The following CNEP1R1 variants were observed in gnomAD, a reference collection of about 807,000 sequenced individuals.
The protein encoded by CNEP1R1 is nuclear envelope phosphatase-regulatory subunit 1.
In CNEP1R1, 10 loss-of-function variants were observed where a neutral mutation model predicts 22.7. The ratio of observed to expected loss-of-function variants is 0.44; its 90% CI spans 0.27 to 0.75. The LOEUF (loss-of-function observed/expected upper bound fraction) is 0.75, where lower values mean the gene tolerates loss of function less well. CNEP1R1 is among the 30% of genes least tolerant of loss of function. The pLI, the probability that CNEP1R1 is intolerant of heterozygous loss-of-function variation, is 0.17. For missense variants in CNEP1R1, 73 were observed against 151.5 expected, an observed-to-expected ratio of 0.48 and a Z score of 2.72; for synonymous variants, 53 against 50.1, an observed-to-expected ratio of 1.06 and a Z score of -0.25.
chr16:50,025,799 C>G, intron 1 of CNEP1R1: 2 of 1,021,788 alleles, frequency 2.0e-6, no homozygotes, highest in Non-Finnish European at 3.0e-6. Flanking sequence ...CCCCTGTCTT[C>G]TAGAACTAGG....
chr16:50,025,379 C>T (rs2036170508), intron 1 of CNEP1R1, 39 bp downstream of exon 1: 1 of 1,425,692 alleles, frequency 7.0e-7, no homozygotes, highest in Non-Finnish European at 9.2e-7. Flanking sequence ...CGTCTCCCCT[C>T]GGAAGCTGGC....
intron 2 of CNEP1R1, among the ~76,000 whole-genome samples, chr16:50,029,330 G>C (rs1483500885): frequency 6.6e-6 from 1 of 152,102 alleles, no homozygotes; most frequent in Non-Finnish European, 1.5e-5. Flanking sequence ...CATTCAAAAA[G>C]GAGTCTTTGA....
intron 1 of CNEP1R1, chr16:50,026,120 T>G (rs1258906071): frequency 2.3e-6 from 1 of 440,874 alleles, no homozygotes; most frequent in African/African-American, 2.0e-5. Flanking sequence ...GGCTGCTGCT[T>G]ATTTCTCCCA....
In CNEP1R1 at chr16:50,025,321, C is replaced by G; in HGVS notation, c.6C>G (p.Asn2Lys). Residue 2 changes from asparagine to lysine, a missense_variant, in exon 1 of 6, where the codon AAC becomes AAG. Coordinates refer to ENST00000427478, the MANE Select transcript of CNEP1R1 (RefSeq NM_001281789.2). ...GACCCGAGCTGCCGCCCGACATGAA[C>G]TCGCTGGAGCAGGCGGAAGGTAGGG... M[N>K]SLEQAEDLKA... is the part of the protein sequence containing the mutation. 5 of 1,432,758 alleles carry G rather than the reference C, an allele frequency of 3.5e-6. No individual in the cohort carries two copies. Among genetic ancestry groups the G allele is most frequent in the Non-Finnish European group, 4.6e-6 (5 of 1,096,892 alleles). 88.8% of individuals were successfully genotyped at this position (1,432,758 alleles called of 1,614,324 possible). A position where few individuals can be genotyped will look rare whatever the true frequency, so the allele number is the denominator to read the frequency against.
At chr16:50,034,229 A>G (rs930136587) in intron 5 of CNEP1R1, 73 bp downstream of exon 5, 2 of 890,224 alleles carry the variant, frequency 2.2e-6, no homozygotes, top group Non-Finnish European at 3.6e-6. Flanking sequence ...AGAAAGGTAG[A>G]CATTTTATTA....
At chr16:50,027,965 T>C (rs1458804982) in intron 2 of CNEP1R1, among the ~76,000 whole-genome samples, 3 of 152,134 alleles carry the variant, frequency 2.0e-5, no homozygotes, top group Admixed American at 6.5e-5. Flanking sequence ...TTTTTATTTG[T>C]TTTTGTTTTG....
rs2036272992 is a variant in CNEP1R1 at position 50,035,916 on chromosome 16, T to C, written c.*458T>C. 1.3e-5 allele frequency: 2 copies of C among 154,932 alleles called. No homozygotes were observed. Among genetic ancestry groups the C allele is most frequent in the South Asian group, 2.0e-4 (1 of 5,000 alleles). 9.6% of individuals were successfully genotyped at this position (154,932 alleles called of 1,614,324 possible). A position where few individuals can be genotyped will look rare whatever the true frequency, so the allele number is the denominator to read the frequency against. On this transcript the variant is annotated 3_prime_UTR_variant, in exon 6 of 6. Coordinates refer to ENST00000427478, the MANE Select transcript of CNEP1R1 (RefSeq NM_001281789.2). ...CACAGCTCTTTAAAACTGGCTATTA[T>C]GTGTGCCTTTCATTCTTACATTTCT... is the stretch of plus-strand genomic sequence containing the variant.
In CNEP1R1 at chr16:50,035,652, C is replaced by T; in HGVS notation, c.*194C>T. 1 of 537,982 alleles carries T rather than the reference C, an allele frequency of 1.9e-6. No homozygotes were observed. Among genetic ancestry groups the T allele is most frequent in the East Asian group, 3.1e-5 (1 of 32,458 alleles). 33.3% of individuals were successfully genotyped at this position (537,982 alleles called of 1,614,324 possible). A position where few individuals can be genotyped will look rare whatever the true frequency, so the allele number is the denominator to read the frequency against. On this transcript the variant is annotated 3_prime_UTR_variant, in exon 6 of 6. Transcript: ENST00000427478. ...ATCAGTGCTTTGGTACTTTTGATTACCTGTGTTTCAGTATTAGTGTCACTT... is the reference window on the plus strand; with the variant it reads ...ATCAGTGCTTTGGTACTTTTGATTATCTGTGTTTCAGTATTAGTGTCACTT...
intron 2 of CNEP1R1, among the ~76,000 whole-genome samples, chr16:50,027,135 G>A (rs982469205): frequency 6.6e-6 from 1 of 151,934 alleles, no homozygotes; most frequent in African/African-American, 2.4e-5. Context: ...AGGGCTCAGT[G>A]AGTCACGCAT....
chr16:50,025,700 A>C (rs2036175772), intron 1 of CNEP1R1: 1 of 1,613,528 alleles, frequency 6.2e-7, no homozygotes, highest in South Asian at 1.1e-5. Flanking sequence ...GTAACTGCCA[A>C]GGTTAGGAAG....
At chr16:50,028,358 T>G (rs1227107200) in intron 2 of CNEP1R1, among the ~76,000 whole-genome samples, 10 of 152,226 alleles carry the variant, frequency 6.6e-5, no homozygotes, top group Non-Finnish European at 1.5e-5. Context: ...TATTTCAAAG[T>G]GTAAATCAGT....
At position 50,025,240 on chromosome 16, in the gene CNEP1R1, C is replaced by G; in HGVS notation, c.-76C>G. The G allele has an allele frequency of 7.4e-7, 1 of 1,348,818 alleles. No individual in the cohort carries two copies. 83.6% of individuals were successfully genotyped at this position (1,348,818 alleles called of 1,614,324 possible). A position where few individuals can be genotyped will look rare whatever the true frequency, so the allele number is the denominator to read the frequency against. The stretch of plus-strand genomic sequence containing the variant: ...GGGAGCGGTTAGAGGTGGGAGTTGG[C>G]GCTGCGGGCCGGGCGGGGGCCGCGG... On this transcript the variant is annotated 5_prime_UTR_variant, in exon 1 of 6. Coordinates refer to ENST00000427478, the MANE Select transcript of CNEP1R1 (RefSeq NM_001281789.2).
rs1263970737 is a variant in CNEP1R1 at position 50,036,152 on chromosome 16, T to C, written c.*694T>C. On this transcript the variant is annotated 3_prime_UTR_variant, in exon 6 of 6. Coordinates refer to ENST00000427478, the MANE Select transcript of CNEP1R1 (RefSeq NM_001281789.2). The stretch of plus-strand genomic sequence containing the variant: ...TTAATAATTTTCTTTTTTTTTTTTT[T>C]TTTTTTAGACGGAGTCTCGCTCTGT... 6.6e-6 allele frequency: 1 copy of C among 150,634 alleles called. No individual in the cohort carries two copies. Among genetic ancestry groups the C allele is most frequent in the African/African-American group, 2.4e-5 (1 of 41,042 alleles). 9.3% of individuals were successfully genotyped at this position (150,634 alleles called of 1,614,324 possible).
chr16:50,036,839 C>T lies in CNEP1R1; in HGVS notation c.*1381C>T, dbSNP rs1239631798. The T allele has an allele frequency of 6.6e-6, 1 of 152,588 alleles. No homozygotes were observed. Among genetic ancestry groups the T allele is most frequent in the Non-Finnish European group, 1.5e-5 (1 of 68,024 alleles). The allele number at this position is 152,588 out of a possible 1,614,324, so 9.5% of individuals were successfully genotyped here. ...ATTTCATGAGCAATCTTTTAAATTT[C>T]ATTTAACATAAAGCTGAAAATTCAA... On this transcript the variant is annotated 3_prime_UTR_variant, in exon 6 of 6. Coordinates refer to ENST00000427478, the MANE Select transcript of CNEP1R1 (RefSeq NM_001281789.2).
intron 2 of CNEP1R1, 106 bp from the exon 3 acceptor site, chr16:50,029,619 A>G: frequency 1.6e-6 from 1 of 611,258 alleles, no homozygotes; most frequent in Non-Finnish European, 2.9e-6. Flanking sequence ...TTTTCCATTT[A>G]ATAAAGTGCT....
chr16:50,026,646 T>C (rs1277083170), intron 2 of CNEP1R1, 179 bp downstream of exon 2: 1 of 585,188 alleles, frequency 1.7e-6, no homozygotes, highest in Non-Finnish European at 3.0e-6. Context: ...AAGAACAGTC[T>C]ATTTCGTGTG....
At chr16:50,033,618 C>CT in intron 4 of CNEP1R1, 112 bp downstream of exon 4, 1 of 488,388 alleles carries the variant, frequency 2.0e-6, no homozygotes, top group Non-Finnish European at 3.7e-6. Context: ...AATCCCAGCA[C>CT]TTTGGGAGGC....
chr16:50,025,500 G>A (rs149783405), intron 1 of CNEP1R1, 160 bp downstream of exon 1: 403 of 1,084,926 alleles, frequency 3.7e-4, no homozygotes, highest in Non-Finnish European at 4.8e-4. Flanking sequence ...TACCTGGCCA[G>A]ACGCGGGGGG....
intron 3 of CNEP1R1, among the ~76,000 whole-genome samples, chr16:50,031,847 A>G (rs1326883912): frequency 1.3e-5 from 2 of 152,160 alleles, no homozygotes; most frequent in Admixed American, 6.5e-5. Context: ...TGCTGTTTCA[A>G]TGCATTGGAG....
Sources: gnomAD v4.1 joint callset for allele counts (sites outside exome capture counted in the v4.1 genomes callset) on GRCh38, gnomAD v4.1.1 for gene constraint, MANE v1.5 for transcripts, NCBI Gene and HGNC (gene_info 2026-07-23, HGNC 2026-07-21) for gene names.